SHROOM2: variants seen among roughly 807,000 people sequenced by gnomAD.
SHROOM2 encodes shroom family member 2.
Under a neutral mutation model 75.9 loss-of-function variants are expected in SHROOM2, and 33 were observed. That is an observed-to-expected ratio of 0.43 (90% CI 0.33 to 0.58). The LOEUF is 0.58. Among genes scored for constraint, SHROOM2 ranks in the 20% least tolerant of loss-of-function variants. The pLI is 0.04. For missense variants in SHROOM2, 1,434 were observed against 1,461.2 expected (o/e 0.98, Z 0.30); for synonymous variants, 655 against 663.6 (o/e 0.99, Z 0.20).
chrX:9,926,694 A>G (rs1418538640), intron 5 of SHROOM2, among the ~76,000 whole-genome samples: 1 of 111,826 alleles, frequency 8.9e-6, no homozygotes, highest in African/African-American at 3.3e-5. Flanking sequence ...AGAGACTGAC[A>G]CTTTTGCTTT....
At chrX:9,836,109 G>A (rs1257524371) in intron 1 of SHROOM2, among the ~76,000 whole-genome samples, 1 of 112,257 alleles carries the variant, frequency 8.9e-6, no homozygotes, top group Non-Finnish European at 1.9e-5. Context: ...AGCAGACCCG[G>A]GCACCAGATC....
chrX:9,816,402 T>G (rs1200497076), intron 1 of SHROOM2, among the ~76,000 whole-genome samples: 1 of 112,475 alleles, frequency 8.9e-6, no homozygotes, highest in Non-Finnish European at 1.9e-5. Flanking sequence ...GAAGCAAAAT[T>G]AAAACTCACA....
At chrX:9,894,173 C>T (rs1202846386) in intron 3 of SHROOM2, among the ~76,000 whole-genome samples, 185 bp from the exon 4 acceptor site, 1 of 111,279 alleles carries the variant, frequency 9.0e-6, no homozygotes, top group African/African-American at 3.3e-5. Flanking sequence ...TGCCCAGTTT[C>T]TCCGTGTCTC....
chrX:9,825,402 T>G (rs1293271272), intron 1 of SHROOM2, among the ~76,000 whole-genome samples: 1 of 112,540 alleles, frequency 8.9e-6, no homozygotes, highest in Non-Finnish European at 1.9e-5. Context: ...CATTTTAACT[T>G]GTAAGACTTT....
chrX:9,922,627 G>A (rs5979211), intron 5 of SHROOM2, among the ~76,000 whole-genome samples: 2,807 of 111,317 alleles, frequency 0.025, 69 homozygotes, highest in East Asian at 0.1. Flanking sequence ...GTTCCCTTCT[G>A]TGAATACAGC....
At chrX:9,791,335 T>A (rs2083646708) in intron 1 of SHROOM2, among the ~76,000 whole-genome samples, 1 of 111,047 alleles carries the variant, frequency 9.0e-6, no homozygotes, top group African/African-American at 3.3e-5. Flanking sequence ...GGAAAGCATT[T>A]TGGAGTTGTT....
Position 9,896,233 on chromosome X carries a change from G to A in SHROOM2, c.2325G>A (p.Thr775=), listed in dbSNP as rs1197918774. 9 of 1,210,759 alleles carry A rather than the reference G, an allele frequency of 7.4e-6. No individual in the cohort carries two copies. Among genetic ancestry groups the A allele is most frequent in the Middle Eastern group, 2.3e-4 (1 of 4,376 alleles). Reference sequence around the variant, plus strand: ...AGAAGATGAACGAGGTGGGCCTCACGAGGGGCTACAGTCCTCACCAGCACC... The same window carrying A: ...AGAAGATGAACGAGGTGGGCCTCACAAGGGGCTACAGTCCTCACCAGCACC... ...EPEKMNEVGL[T]RGYSPHQHPR... is the part of the protein sequence containing the mutation. The change falls in exon 4 of 10, where the codon ACG becomes ACA. Residue 775 remains threonine, a synonymous_variant. Transcript: ENST00000380913.
At chrX:9,943,521 G>T (rs1331303499) in intron 8 of SHROOM2, among the ~76,000 whole-genome samples, 1 of 111,547 alleles carries the variant, frequency 9.0e-6, no homozygotes. Flanking sequence ...TAGAAAAAAG[G>T]TCATCATTTA....
rs142474821 is a variant in SHROOM2 at position 9,817,559 on chromosome X, A to G, written c.165+30849A>G. Among the ~76,000 whole-genome samples the G allele has an allele frequency of 9.0e-3, 1,004 of 111,957 alleles. 18 individuals carry two copies. Among genetic ancestry groups the G allele is most frequent in the Non-Finnish European group, 0.013 (678 of 53,205 alleles). Reference sequence around the variant, plus strand: ...TCAAAGACTACAATTTAGGGCAAGTATACATGAAATGAGAAAACAACTCTC... The same window carrying G: ...TCAAAGACTACAATTTAGGGCAAGTGTACATGAAATGAGAAAACAACTCTC... On this transcript the variant is annotated intron_variant, in intron 1 of 9. Coordinates refer to ENST00000380913, the MANE Select transcript of SHROOM2 (RefSeq NM_001649.4).
In SHROOM2 at chrX:9,848,510, C is replaced by CACAAAAAAA. The variant is rs1555927073; in HGVS notation, c.166-25141_166-25140insCAAAAAAAA. On this transcript the variant is annotated intron_variant, in intron 1 of 9. Coordinates refer to ENST00000380913, the MANE Select transcript of SHROOM2 (RefSeq NM_001649.4). ...TGGGCGACAGAGCGAGACTCCGTCT[C>CACAAAAAAA]AAAAAAAAAAAAAAAAAAAAAGAAA... Among the ~76,000 whole-genome samples, 21 of 22,013 alleles carry CACAAAAAAA rather than the reference C, an allele frequency of 9.5e-4. 3 individuals are homozygous for CACAAAAAAA. Among genetic ancestry groups the CACAAAAAAA allele is most frequent in the African/African-American group, 3.1e-3 (20 of 6,531 alleles). The allele number at this position is 22,013 out of a possible 115,157, so 19.1% of individuals were successfully genotyped here.
intron 1 of SHROOM2, among the ~76,000 whole-genome samples, chrX:9,863,502 A>G (rs1304467567): frequency 9.0e-6 from 1 of 110,904 alleles, no homozygotes; most frequent in Non-Finnish European, 1.9e-5. Context: ...TTAGGGAGAG[A>G]TGAAACAAGG....
chrX:9,905,646 C>T (rs2084387755), intron 5 of SHROOM2, among the ~76,000 whole-genome samples: 1 of 113,269 alleles, frequency 8.8e-6, no homozygotes, highest in Admixed American at 9.3e-5. Context: ...GGGAACATGT[C>T]TGTCCTCTTT....
chrX:9,921,045 C>T (rs550239150), intron 5 of SHROOM2, among the ~76,000 whole-genome samples: 1 of 111,705 alleles, frequency 9.0e-6, no homozygotes, highest in Non-Finnish European at 1.9e-5. Flanking sequence ...CCAGGACAGC[C>T]GTCTTCCAAA....
At chrX:9,885,194 T>C (rs1355978932) in intron 2 of SHROOM2, among the ~76,000 whole-genome samples, 4 of 112,093 alleles carry the variant, frequency 3.6e-5, no homozygotes, top group Non-Finnish European at 7.5e-5. Context: ...GTCCTGCACA[T>C]GAGACCCACG....
intron 5 of SHROOM2, among the ~76,000 whole-genome samples, chrX:9,920,445 C>A (rs952636839): frequency 8.9e-6 from 1 of 111,857 alleles, no homozygotes; most frequent in African/African-American, 3.2e-5. Context: ...AACTCAAATT[C>A]ATACATTGCT....
intron 1 of SHROOM2, among the ~76,000 whole-genome samples, chrX:9,786,996 C>G (rs1034364505): frequency 4.5e-5 from 5 of 111,197 alleles, no homozygotes; most frequent in African/African-American, 6.5e-5. Context: ...GCTCCCGGGC[C>G]CGCCAGTGGC....
intron 1 of SHROOM2, chrX:9,818,562 C>T (rs776080558): frequency 2.8e-4 from 85 of 304,912 alleles, no homozygotes; most frequent in African/African-American, 1.5e-3. Flanking sequence ...ATTGCTACCC[C>T]ACACGTAAAG....
chrX:9,875,564 T>C (rs1239410564), intron 2 of SHROOM2, among the ~76,000 whole-genome samples: 4 of 111,878 alleles, frequency 3.6e-5, no homozygotes, highest in African/African-American at 1.3e-4. Context: ...TGTCTCTTCT[T>C]TGATGGAGAC....
rs778114298 is a variant in SHROOM2 at position 9,910,092 on chromosome X, T to C, written c.2891+11802T>C. ...ATCACCTGGGGGTTAGGTTTCAACA[T>C]AGGAATTTGGGGGTGGGGGGCACAA... On this transcript the variant is annotated intron_variant, in intron 5 of 9. Coordinates refer to ENST00000380913, the MANE Select transcript of SHROOM2 (RefSeq NM_001649.4). Among the ~76,000 whole-genome samples the C allele has an allele frequency of 2.7e-5, 3 of 109,824 alleles. No homozygotes were observed. In the East Asian group the frequency reaches 8.7e-4, roughly 32 times the overall value.
Sources: allele counts gnomAD v4.1 joint callset (sites outside exome capture counted in the v4.1 genomes callset), GRCh38; gene constraint gnomAD v4.1.1; transcripts MANE v1.5; gene names NCBI Gene and HGNC (gene_info 2026-07-23, HGNC 2026-07-21).